The following RIOK1 variants were observed in gnomAD, a reference collection of about 807,000 sequenced individuals.
RIOK1 encodes the protein RIO kinase 1.
In RIOK1, 66 loss-of-function variants were observed where a neutral mutation model predicts 73.5. That is an observed-to-expected ratio of 0.90 (90% CI 0.74 to 1.10). The LOEUF is 1.10. RIOK1 is among the 50% of genes least tolerant of loss of function. RIOK1 has a pLI of 0.00. For synonymous variants in RIOK1, 224 were observed against 226.8 expected, an observed-to-expected ratio of 0.99 and a Z score of 0.11; for missense variants, 658 against 699.8, an observed-to-expected ratio of 0.94 and a Z score of 0.67.
At chr6:7,397,568 T>C (rs987570739) in intron 4 of RIOK1, among the ~76,000 whole-genome samples, 1 of 152,250 alleles carries the variant, frequency 6.6e-6, no homozygotes, top group Non-Finnish European at 1.5e-5. Flanking sequence ...TGCTAATAAC[T>C]CTAAAGTATT....
In RIOK1 at chr6:7,417,426, G is replaced by T; in HGVS notation, c.1692G>T (p.Thr564=). 1 of 1,546,378 alleles carries T rather than the reference G, an allele frequency of 6.5e-7. No individual in the cohort carries two copies. Among genetic ancestry groups the T allele is most frequent in the South Asian group, 1.2e-5 (1 of 80,972 alleles). Residue 564 remains threonine (T), a synonymous_variant, in exon 17 of 17, where the codon ACG becomes ACT. Coordinates refer to ENST00000379834, the MANE Select transcript of RIOK1 (RefSeq NM_031480.3). The stretch of plus-strand genomic sequence containing the variant: ...AAAGAAAGGAGAAGACAGCCAAGAC[G>T]AAAAAAGGCAAATAGAATGAGAACC... ...VKKRKEKTAK[T]KKGK
intron 3 of RIOK1, among the ~76,000 whole-genome samples, chr6:7,395,904 C>A (rs1017858406): frequency 6.6e-6 from 1 of 152,070 alleles, no homozygotes; most frequent in African/African-American, 2.4e-5. Context: ...GACGGGGTTT[C>A]TCCATGTTGA....
At chr6:7,410,032 T>C (rs34498828) in intron 12 of RIOK1, among the ~76,000 whole-genome samples, 12 of 152,156 alleles carry the variant, frequency 7.9e-5, no homozygotes, top group Non-Finnish European at 1.5e-4. Context: ...TAAGGAATGG[T>C]TCTTTCATTC....
intron 14 of RIOK1, among the ~76,000 whole-genome samples, chr6:7,412,518 C>T (rs903655354): frequency 2.6e-5 from 4 of 151,788 alleles, no homozygotes; most frequent in Non-Finnish European, 4.4e-5. Context: ...AGCTGGGCAT[C>T]GTGGCAGCTG....
At chr6:7,394,263 G>C (rs538333590) in intron 2 of RIOK1, among the ~76,000 whole-genome samples, 1 of 152,240 alleles carries the variant, frequency 6.6e-6, no homozygotes, top group African/African-American at 2.4e-5. Context: ...GCGAAACCCT[G>C]TCTCTACTAA....
intron 12 of RIOK1, 105 bp from the exon 13 acceptor site, chr6:7,410,281 G>T: frequency 1.3e-6 from 1 of 742,482 alleles, no homozygotes; most frequent in Non-Finnish European, 2.4e-6. Context: ...AGTGTGAGGA[G>T]GTGATACTTA....
chr6:7,409,817 C>T (rs1162161570), intron 12 of RIOK1, among the ~76,000 whole-genome samples: 7 of 148,494 alleles, frequency 4.7e-5, no homozygotes, highest in African/African-American at 1.7e-4. Flanking sequence ...AAAAAAAAAC[C>T]TCTGCTCCCA....
chr6:7,393,701 A>G (rs1761399475), intron 2 of RIOK1, among the ~76,000 whole-genome samples: 1 of 152,234 alleles, frequency 6.6e-6, no homozygotes, highest in African/African-American at 2.4e-5. Flanking sequence ...AAAACATATC[A>G]TTGATGGTCA....
At position 7,405,033 on chromosome 6, in the gene RIOK1, C is replaced by T. The variant is rs575236321; in HGVS notation, c.1096+12C>T. 36 of 1,602,860 alleles carry T rather than the reference C, an allele frequency of 2.2e-5. No homozygotes were observed. The highest frequency in any genetic ancestry group is 4.4e-5 in the South Asian group (4 of 90,396). On this transcript the variant is annotated intron_variant, in intron 11 of 16. Transcript: ENST00000379834. ...CGCCAACGTCAATGGTGAGTAGAAA[C>T]GGCAATTTTCGAAACAGCTCATTGG...
Position 7,412,886 on chromosome 6 carries a change from A to T in RIOK1, c.1390-3A>T. ...ATTTTTTTTTTTTCATTTTGGTTAT[A>T]AGATTCTATACCAGACTGTTACAGG... On this transcript the variant is annotated splice_region_variant and splice_polypyrimidine_tract_variant and intron_variant, in intron 14 of 16. Coordinates refer to ENST00000379834, the MANE Select transcript of RIOK1 (RefSeq NM_031480.3). 1 of 1,504,138 alleles carries T rather than the reference A, an allele frequency of 6.6e-7. No individual in the cohort carries two copies. Among genetic ancestry groups the T allele is most frequent in the Non-Finnish European group, 8.9e-7 (1 of 1,120,174 alleles). The allele number at this position is 1,504,138 out of a possible 1,614,324, so 93.2% of individuals were successfully genotyped here. A position where few individuals can be genotyped will look rare whatever the true frequency, so the allele number is the denominator to read the frequency against.
intron 12 of RIOK1, among the ~76,000 whole-genome samples, chr6:7,408,709 C>CTTTCTT (rs1171236493): frequency 6.6e-6 from 1 of 151,450 alleles, no homozygotes; most frequent in African/African-American, 2.4e-5. Flanking sequence ...TTAGCACTGA[C>CTTTCTT]TTTCTTTTTC....
At chr6:7,411,971 G>T (rs897189770) in intron 14 of RIOK1, among the ~76,000 whole-genome samples, 1 of 152,170 alleles carries the variant, frequency 6.6e-6, no homozygotes, top group Non-Finnish European at 1.5e-5. Context: ...AAGAAGAGTG[G>T]AATTATTTGA....
At chr6:7,415,175 C>T (rs1218166963) in intron 16 of RIOK1, among the ~76,000 whole-genome samples, 1 of 152,160 alleles carries the variant, frequency 6.6e-6, no homozygotes, top group Non-Finnish European at 1.5e-5. Flanking sequence ...GAACTCATGC[C>T]TGTAATCCTA....
At position 7,397,795 on chromosome 6, in the gene RIOK1, A is replaced by AT. The variant is rs539391469; in HGVS notation, c.438-902dup. On this transcript the variant is annotated intron_variant, in intron 4 of 16. Coordinates refer to ENST00000379834, the MANE Select transcript of RIOK1 (RefSeq NM_031480.3). ...TGTGCTAGGTGGAGTCACTCAGTGTATAAGCAGAAGCAAATCAGAGTCTGC... is the reference window on the plus strand; with the variant it reads ...TGTGCTAGGTGGAGTCACTCAGTGTATTAAGCAGAAGCAAATCAGAGTCTGC... Among the ~76,000 whole-genome samples the AT allele has an allele frequency of 2.4e-3, 364 of 152,358 alleles. 1 individual carries two copies. The highest frequency in any genetic ancestry group is 2.3e-3 in the Non-Finnish European group (155 of 68,034).
chr6:7,417,267 A>C, intron 16 of RIOK1, 64 bp from the exon 17 acceptor site: 1 of 1,162,162 alleles, frequency 8.6e-7, no homozygotes, highest in Non-Finnish European at 1.2e-6. Flanking sequence ...AAAAACAAAA[A>C]ACAAAAACAA....
intron 10 of RIOK1, 96 bp downstream of exon 10, chr6:7,404,651 C>CT: frequency 6.9e-7 from 1 of 1,445,310 alleles, no homozygotes; most frequent in Non-Finnish European, 9.5e-7. Context: ...ACACTAACTT[C>CT]TGAAGTTTTA....
chr6:7,406,672 T>C (rs1009098993), intron 12 of RIOK1, among the ~76,000 whole-genome samples: 1 of 152,184 alleles, frequency 6.6e-6, no homozygotes, highest in African/African-American at 2.4e-5. Context: ...CTTTTTCTTT[T>C]TTTGTTTGAG....
intron 13 of RIOK1, 83 bp from the exon 14 acceptor site, chr6:7,411,249 C>T (rs1009427180): frequency 6.9e-6 from 10 of 1,456,294 alleles, no homozygotes; most frequent in Middle Eastern, 4.5e-4. Context: ...ATAGATTCCC[C>T]TGTAACCTGA....
chr6:7,409,813 A>C (rs1373269973), intron 12 of RIOK1, among the ~76,000 whole-genome samples: 1 of 151,922 alleles, frequency 6.6e-6, no homozygotes, highest in Non-Finnish European at 1.5e-5. Context: ...AAAAAAAAAA[A>C]AACCTCTGCT....
Sources: allele counts gnomAD v4.1 joint callset (sites outside exome capture counted in the v4.1 genomes callset), GRCh38; gene constraint gnomAD v4.1.1; transcripts MANE v1.5; gene names NCBI Gene and HGNC (gene_info 2026-07-23, HGNC 2026-07-21).